The following CDYL variants were observed in gnomAD, a reference collection of about 807,000 sequenced individuals.
CDYL encodes the protein chromodomain Y like.
In CDYL, 8 loss-of-function variants were observed where a neutral mutation model predicts 47.3. The observed-to-expected ratio is 0.17, with a 90% CI of 0.10 to 0.31. CDYL has a LOEUF of 0.31. Ranked by LOEUF, CDYL falls within the 10% of genes least tolerant of loss-of-function variation. CDYL has a pLI of 1.00. For synonymous variants in CDYL, 266 were observed against 265.0 expected (o/e 1.00, Z -0.04); for missense variants, 471 against 701.4 (o/e 0.67, Z 3.71).
rs144936162 is a variant in CDYL, at chr6:4,951,660, C to T, written c.1333-606C>T. On this transcript the variant is annotated intron_variant, in intron 5 of 6. Coordinates refer to ENST00000397588, the MANE Select transcript of CDYL (RefSeq NM_004824.4). ...ATAGTTCTGTCTTTTCGTATCCAAGCGATACAAGGCAGCCTCCAAGGTACG... is the reference window on the plus strand; with the variant it reads ...ATAGTTCTGTCTTTTCGTATCCAAGTGATACAAGGCAGCCTCCAAGGTACG... Among the ~76,000 whole-genome samples the T allele has an allele frequency of 2.3e-3, 353 of 152,054 alleles. 2 individuals are homozygous for T. The highest frequency in any genetic ancestry group is 8.0e-3 in the African/African-American group (332 of 41,460).
intron 2 of CDYL, among the ~76,000 whole-genome samples, chr6:4,930,095 A>G (rs1757989566): frequency 6.6e-6 from 1 of 152,138 alleles, no homozygotes. Context: ...TATGTGCCTG[A>G]TCTGGGGTCT....
intron 2 of CDYL, among the ~76,000 whole-genome samples, chr6:4,722,795 T>C (rs1757395879): frequency 6.6e-6 from 1 of 152,130 alleles, no homozygotes; most frequent in Admixed American, 6.6e-5. Flanking sequence ...GACAATTGCT[T>C]GAACCCAGGG....
intron 1 of CDYL, among the ~76,000 whole-genome samples, chr6:4,877,048 T>A (rs1012732543): frequency 6.6e-6 from 1 of 152,232 alleles, no homozygotes; most frequent in African/African-American, 2.4e-5. Flanking sequence ...GAATGGGCCC[T>A]CGCCAGACAC....
At chr6:4,770,691 TG>T (rs2127425471) in intron 3 of CDYL, among the ~76,000 whole-genome samples, 1 of 152,348 alleles carries the variant, frequency 6.6e-6, no homozygotes, top group East Asian at 1.9e-4. Context: ...TATATCACTC[TG>T]GGATATGTGT....
At chr6:4,815,399 G>GT (rs780344373) in intron 1 of CDYL, among the ~76,000 whole-genome samples, 1 of 152,114 alleles carries the variant, frequency 6.6e-6, no homozygotes, top group Non-Finnish European at 1.5e-5. Flanking sequence ...GAGCCTCATA[G>GT]TTTTATTCCT....
exon 2 of CDYL, chr6:4,715,749 C>T (rs781363796): frequency 4.3e-6 from 7 of 1,612,864 alleles, no homozygotes; most frequent in Non-Finnish European, 5.1e-6. Context: ...AGGTGGTCAT[C>T]AGAGAACACA....
intron 1 of CDYL, among the ~76,000 whole-genome samples, chr6:4,866,835 C>G (rs1761337293): frequency 6.6e-6 from 1 of 152,032 alleles, no homozygotes; most frequent in Non-Finnish European, 1.5e-5. Context: ...TACCCCCATA[C>G]TAGGCCCAGA....
chr6:4,953,236 T>G (rs1239834919), intron 6 of CDYL, among the ~76,000 whole-genome samples: 3 of 151,698 alleles, frequency 2.0e-5, no homozygotes, highest in African/African-American at 7.2e-5. Context: ...ATCCAAAAGT[T>G]AGCCAGGCTT....
At chr6:4,799,417 A>G (rs62386575) in intron 1 of CDYL, among the ~76,000 whole-genome samples, 13,018 of 152,014 alleles carry the variant, frequency 0.086, 664 homozygotes, top group South Asian at 0.14. Context: ...GCTAAACTAC[A>G]GTTGGTATGG....
At chr6:4,895,912 T>C (rs1762269362) in intron 2 of CDYL, among the ~76,000 whole-genome samples, 1 of 152,220 alleles carries the variant, frequency 6.6e-6, no homozygotes, top group Admixed American at 6.5e-5. Flanking sequence ...AAAAGGGATG[T>C]GTAAGCATAG....
intron 1 of CDYL, among the ~76,000 whole-genome samples, chr6:4,875,655 T>G (rs1391913451): frequency 6.6e-6 from 1 of 152,246 alleles, no homozygotes; most frequent in Non-Finnish European, 1.5e-5. Flanking sequence ...ATTCACTTTT[T>G]CTGGTTGGTT....
chr6:4,768,725 C>T (rs556583309), intron 3 of CDYL, among the ~76,000 whole-genome samples: 2 of 152,252 alleles, frequency 1.3e-5, no homozygotes, highest in South Asian at 4.2e-4. Context: ...GACTCCCTTC[C>T]AAACACTACA....
At chr6:4,739,766 A>C (rs1050233038) in intron 3 of CDYL, among the ~76,000 whole-genome samples, 3 of 151,932 alleles carry the variant, frequency 2.0e-5, no homozygotes, top group Non-Finnish European at 4.4e-5. Flanking sequence ...CAGCCTGATC[A>C]ACGTGGAGAA....
intron 1 of CDYL, among the ~76,000 whole-genome samples, chr6:4,842,005 TTAA>T (rs1760506529): frequency 6.9e-6 from 1 of 145,242 alleles, no homozygotes; most frequent in African/African-American, 2.5e-5. Context: ...TATAAATAAA[TTAA>T]TTATATTTGT....
chr6:4,715,918 G>A, intron 2 of CDYL: 2 of 1,597,524 alleles, frequency 1.3e-6, no homozygotes, highest in Non-Finnish European at 1.7e-6. Context: ...TTCTGATGCA[G>A]TAGGCAGAAT....
At chr6:4,787,915 G>C in intron 1 of CDYL, among the ~76,000 whole-genome samples, 1 of 151,814 alleles carries the variant, frequency 6.6e-6, no homozygotes, top group East Asian at 1.9e-4. Flanking sequence ...GGGACTACAG[G>C]TGTGCGCCAC....
chr6:4,903,031 G>A (rs1561699125), intron 2 of CDYL, among the ~76,000 whole-genome samples: 2 of 152,152 alleles, frequency 1.3e-5, no homozygotes, highest in Admixed American at 1.3e-4. Flanking sequence ...TAACATTTGC[G>A]TGTACATGAG....
intron 3 of CDYL, 63 bp from the exon 4 acceptor site, chr6:4,937,502 A>G: frequency 7.5e-7 from 1 of 1,337,362 alleles, no homozygotes; most frequent in South Asian, 1.6e-5. Context: ...TCCAAAAAAA[A>G]AAATGCTTTA....
intron 1 of CDYL, among the ~76,000 whole-genome samples, chr6:4,825,392 A>G (rs561841767): frequency 4.6e-5 from 7 of 152,198 alleles, no homozygotes; most frequent in Admixed American, 2.6e-4. Flanking sequence ...CTTCTTTTCA[A>G]TTTGGATGCC....
Sources: gnomAD v4.1 joint callset for allele counts (sites outside exome capture counted in the v4.1 genomes callset) on GRCh38, gnomAD v4.1.1 for gene constraint, MANE v1.5 for transcripts, NCBI Gene and HGNC (gene_info 2026-07-23, HGNC 2026-07-21) for gene names.